The following GMDS variants were observed in gnomAD, a reference collection of about 807,000 sequenced individuals.
GMDS encodes GDP-mannose 4,6-dehydratase, also known as GDP-mannose 4,6 dehydratase.
In GMDS, 20 loss-of-function variants were observed where a neutral mutation model predicts 49.9. The ratio of observed to expected loss-of-function variants is 0.40; its 90% CI spans 0.28 to 0.58. The LOEUF is 0.58. Among genes scored for constraint, GMDS ranks in the 20% least tolerant of loss-of-function variants. The probability of loss-of-function intolerance (pLI) is 0.42; values close to 1 mark genes in which losing one functional copy is unlikely to be tolerated. For missense variants in GMDS, 362 were observed against 481.4 expected (o/e 0.75, Z 2.32); for synonymous variants, 177 against 178.6 (o/e 0.99, Z 0.07).
intron 8 of GMDS, 61 bp from the exon 9 acceptor site, chr6:1,726,573 T>C: frequency 7.9e-7 from 1 of 1,260,696 alleles, no homozygotes; most frequent in East Asian, 2.3e-5. Flanking sequence ...GGCCATGCTG[T>C]AGCACCTTGG....
intron 4 of GMDS, among the ~76,000 whole-genome samples, chr6:2,018,303 T>C (rs1179478183): frequency 1.3e-5 from 2 of 152,212 alleles, no homozygotes; most frequent in African/African-American, 2.4e-5. Context: ...TAAGGAGTTA[T>C]GTCAAGTTCT....
At chr6:1,898,131 A>AT (rs1760309724) in intron 7 of GMDS, among the ~76,000 whole-genome samples, 1 of 117,204 alleles carries the variant, frequency 8.5e-6, no homozygotes, top group African/African-American at 3.2e-5. Context: ...CTGGACACCT[A>AT]CCCTGGCCTC....
At chr6:1,653,625 A>C (rs761125413) in intron 9 of GMDS, among the ~76,000 whole-genome samples, 1 of 152,250 alleles carries the variant, frequency 6.6e-6, no homozygotes, top group Non-Finnish European at 1.5e-5. Flanking sequence ...AGGATGGAAC[A>C]GAAAACCCAG....
intron 4 of GMDS, among the ~76,000 whole-genome samples, chr6:2,061,489 G>A (rs1375634354): frequency 6.6e-6 from 1 of 152,048 alleles, no homozygotes; most frequent in African/African-American, 2.4e-5. Context: ...GGTTGAGGCG[G>A]TCGGATCACT....
intron 4 of GMDS, among the ~76,000 whole-genome samples, chr6:2,095,790 G>T (rs1477806010): frequency 6.6e-6 from 1 of 152,130 alleles, no homozygotes; most frequent in African/African-American, 2.4e-5. Flanking sequence ...CCCTTTCAAT[G>T]ATATATCTAA....
chr6:1,763,401 A>G (rs1206527699), intron 7 of GMDS, among the ~76,000 whole-genome samples: 1 of 152,242 alleles, frequency 6.6e-6, no homozygotes, highest in Non-Finnish European at 1.5e-5. Flanking sequence ...CTCCAGGGGC[A>G]TGGAGATAAA....
intron 7 of GMDS, among the ~76,000 whole-genome samples, chr6:1,780,117 T>A (rs1036404288): frequency 6.6e-6 from 1 of 152,210 alleles, no homozygotes; most frequent in African/African-American, 2.4e-5. Flanking sequence ...TCCGACACTC[T>A]TGCTCCGCTT....
At chr6:1,806,439 A>AACACACACAC (rs34940754) in intron 7 of GMDS, among the ~76,000 whole-genome samples, 116 of 146,222 alleles carry the variant, frequency 7.9e-4, no homozygotes, top group African/African-American at 1.5e-3. Context: ...AGCACATGGG[A>AACACACACAC]ACACACACAC....
chr6:2,036,276 A>G (rs894575972), intron 4 of GMDS, among the ~76,000 whole-genome samples: 3 of 151,658 alleles, frequency 2.0e-5, no homozygotes, highest in African/African-American at 7.3e-5. Context: ...TTAAGATAAC[A>G]AGGTGTTGAT....
At chr6:1,820,069 T>C (rs922713292) in intron 7 of GMDS, among the ~76,000 whole-genome samples, 2 of 151,988 alleles carry the variant, frequency 1.3e-5, no homozygotes, top group Non-Finnish European at 2.9e-5. Flanking sequence ...TATTTTATGA[T>C]ATTGTACATT....
chr6:1,833,110 T>C lies in GMDS; in HGVS notation c.772-90524A>G, dbSNP rs1179081331. 6.9e-6 allele frequency among the ~76,000 whole-genome samples: 1 copy of C among 145,052 alleles called. No homozygotes were observed. Among genetic ancestry groups the C allele is most frequent in the Non-Finnish European group, 1.5e-5 (1 of 67,060 alleles). On this transcript the variant is annotated intron_variant, in intron 7 of 10. Coordinates refer to ENST00000380815, the MANE Select transcript of GMDS (RefSeq NM_001500.4). This position sits in a 1 kb window ranked among gnomAD's most constrained non-coding sequence, Gnocchi z 4.4. ...GACCTGTGCCCAGCTCACCCGGCAG[T>C]GGAGCGTATGAAAGCCTTTTTTTTT...
chr6:1,897,024 A>G (rs1384199000), intron 7 of GMDS, among the ~76,000 whole-genome samples: 3 of 152,206 alleles, frequency 2.0e-5, no homozygotes, highest in Admixed American at 6.5e-5. Context: ...CATATCAACA[A>G]AGGTGGGAGA....
At chr6:1,645,720 G>A (rs1763464823) in intron 9 of GMDS, among the ~76,000 whole-genome samples, 1 of 152,190 alleles carries the variant, frequency 6.6e-6, no homozygotes, top group South Asian at 2.1e-4. Flanking sequence ...CTGGATTCCA[G>A]GGCTGCATTC....
At chr6:1,857,548 A>G (rs1234999610) in intron 7 of GMDS, among the ~76,000 whole-genome samples, 1 of 152,122 alleles carries the variant, frequency 6.6e-6, no homozygotes, top group African/African-American at 2.4e-5. Flanking sequence ...GTGCCCTTAA[A>G]CTTATTTTTA....
intron 1 of GMDS, among the ~76,000 whole-genome samples, chr6:2,243,579 C>G (rs758014374): frequency 6.6e-6 from 1 of 152,106 alleles, no homozygotes; most frequent in Admixed American, 6.5e-5. Flanking sequence ...CATTAGAAAA[C>G]AAAGAGAAGG....
In GMDS at chr6:1,628,941, T is replaced by C. The variant is rs80299073; in HGVS notation, c.988-4401A>G. Among the ~76,000 whole-genome samples, 1,482 of 152,318 alleles carry C rather than the reference T, an allele frequency of 9.7e-3. 27 individuals are homozygous for C. The highest frequency in any genetic ancestry group is 0.034 in the African/African-American group (1,397 of 41,556). ...AATAAAAGAATGCCAGTGAATTTGG[T>C]TCTTGATCCAACTTTCTGCTAGTGT... On this transcript the variant is annotated intron_variant, in intron 9 of 10. Transcript: ENST00000380815.
intron 7 of GMDS, among the ~76,000 whole-genome samples, chr6:1,925,992 C>T (rs531333345): frequency 1.3e-5 from 2 of 152,308 alleles, no homozygotes; most frequent in African/African-American, 4.8e-5. Context: ...AGGCCACAGA[C>T]GGGTGGAACT....
intron 9 of GMDS, among the ~76,000 whole-genome samples, chr6:1,684,759 C>A (rs1221472588): frequency 6.6e-6 from 1 of 152,066 alleles, no homozygotes; most frequent in South Asian, 2.1e-4. Context: ...CTGTATATGG[C>A]CAAAACTCAT....
chr6:2,175,356 T>C (rs1000387589), intron 1 of GMDS, among the ~76,000 whole-genome samples: 3 of 152,154 alleles, frequency 2.0e-5, no homozygotes, highest in Non-Finnish European at 4.4e-5. Flanking sequence ...AAAAATATGG[T>C]TCCTGTCACT....
Sources: allele counts gnomAD v4.1 joint callset (sites outside exome capture counted in the v4.1 genomes callset), GRCh38; gene constraint gnomAD v4.1.1; non-coding constraint Gnocchi (gnomAD v3.1); transcripts MANE v1.5; gene names NCBI Gene and HGNC (gene_info 2026-07-23, HGNC 2026-07-21).